The following CADPS2 variants were observed in gnomAD, a reference collection of about 807,000 sequenced individuals.
CADPS2 encodes calcium dependent secretion activator 2, also known as calcium-dependent secretion activator 2.
CADPS2 carries 93 observed loss-of-function variants against 172.5 expected under a neutral mutation model. The ratio of observed to expected loss-of-function variants is 0.54; its 90% CI spans 0.46 to 0.64. The LOEUF (loss-of-function observed/expected upper bound fraction) is 0.64, where lower values mean the gene tolerates loss of function less well. Ranked by LOEUF, CADPS2 falls within the 30% of genes least tolerant of loss-of-function variation. The probability of loss-of-function intolerance (pLI) is 0.00; values close to 1 mark genes in which losing one functional copy is unlikely to be tolerated. For synonymous variants in CADPS2, 546 were observed against 555.2 expected (o/e 0.98, Z 0.23); for missense variants, 1,420 against 1,565.9 (o/e 0.91, Z 1.57).
At chr7:122,732,830 A>ATATACATAATGTATATTATATATT (rs1562885762) in intron 2 of CADPS2, among the ~76,000 whole-genome samples, 4 of 138,658 alleles carry the variant, frequency 2.9e-5, no homozygotes, top group Admixed American at 8.0e-5. Context: ...TATTATATAT[A>ATATACATAATGTATATTATATATT]ATATACATTA....
chr7:122,359,538 C>A (rs1161582008), intron 27 of CADPS2, among the ~76,000 whole-genome samples: 1 of 152,052 alleles, frequency 6.6e-6, no homozygotes, highest in Non-Finnish European at 1.5e-5. Context: ...TGTCACAGTC[C>A]ATTTGTAATT....
At chr7:122,655,921 T>C (rs1025423903) in intron 3 of CADPS2, among the ~76,000 whole-genome samples, 3 of 152,146 alleles carry the variant, frequency 2.0e-5, no homozygotes, top group African/African-American at 4.8e-5. Flanking sequence ...TTGGAAGTCA[T>C]CACTCCCATC....
At chr7:122,654,770 T>C (rs1027799444) in intron 3 of CADPS2, among the ~76,000 whole-genome samples, 1 of 152,214 alleles carries the variant, frequency 6.6e-6, no homozygotes, top group Non-Finnish European at 1.5e-5. Context: ...TCGAGTCTTA[T>C]TATTTAAGAA....
intron 12 of CADPS2, among the ~76,000 whole-genome samples, chr7:122,477,965 C>T (rs2056896925): frequency 6.6e-6 from 1 of 152,116 alleles, no homozygotes; most frequent in South Asian, 2.1e-4. Flanking sequence ...TTAAAGTTAT[C>T]TCATGAACTA....
chr7:122,526,284 C>T (rs908359080), intron 8 of CADPS2, among the ~76,000 whole-genome samples: 6 of 152,014 alleles, frequency 3.9e-5, no homozygotes, highest in Non-Finnish European at 7.4e-5. Context: ...CTCCACCTCC[C>T]GGGTTCAAGT....
intron 2 of CADPS2, among the ~76,000 whole-genome samples, chr7:122,683,641 ATGT>A (rs949009551): frequency 1.2e-4 from 18 of 152,086 alleles, no homozygotes; most frequent in African/African-American, 4.3e-4. Flanking sequence ...GCTACTTAAA[ATGT>A]TATCTGTGGA....
chr7:122,492,344 C>A (rs931235788), intron 9 of CADPS2, among the ~76,000 whole-genome samples: 2 of 152,076 alleles, frequency 1.3e-5, no homozygotes, highest in Non-Finnish European at 2.9e-5. Flanking sequence ...TGGTCTGCCT[C>A]TTAATTCTTC....
chr7:122,480,334 G>A (rs1391284105), intron 12 of CADPS2, among the ~76,000 whole-genome samples: 7 of 144,490 alleles, frequency 4.8e-5, no homozygotes, highest in Non-Finnish European at 1.1e-4. Context: ...GTTATGCTTA[G>A]TTTTTTAAAA....
chr7:122,604,662 T>C (rs1360051355), intron 6 of CADPS2, among the ~76,000 whole-genome samples: 1 of 152,204 alleles, frequency 6.6e-6, no homozygotes, highest in Non-Finnish European at 1.5e-5. Flanking sequence ...TCTCATGCAC[T>C]TCCCACAATA....
At position 122,702,313 on chromosome 7, in the gene CADPS2, C is replaced by A. The variant is rs1400334672; in HGVS notation, c.453+34642G>T. 1.9e-6 allele frequency: 3 copies of A among 1,613,808 alleles called. No individual in the cohort carries two copies. The East Asian group carries it at 6.7e-5, about 36-fold the overall frequency. Reference sequence around the variant, plus strand: ...TCATCACCGCGACTATATTTTCCGTCCCCTGGTGAGACATGGGAAATACTT... The same window carrying A: ...TCATCACCGCGACTATATTTTCCGTACCCTGGTGAGACATGGGAAATACTT... On this transcript the variant is annotated intron_variant, in intron 2 of 29. Coordinates refer to ENST00000449022, the MANE Select transcript of CADPS2 (RefSeq NM_017954.11).
At chr7:122,578,962 C>T (rs891538309) in intron 7 of CADPS2, among the ~76,000 whole-genome samples, 1 of 151,970 alleles carries the variant, frequency 6.6e-6, no homozygotes, top group African/African-American at 2.4e-5. Flanking sequence ...AGGTCACAGG[C>T]TTATTTAATA....
chr7:122,803,466 T>C (rs1010069751), intron 1 of CADPS2, among the ~76,000 whole-genome samples: 1 of 152,180 alleles, frequency 6.6e-6, no homozygotes, highest in Non-Finnish European at 1.5e-5. Flanking sequence ...GAACGCTACA[T>C]TGCTGCCTCT....
intron 2 of CADPS2, among the ~76,000 whole-genome samples, chr7:122,691,092 G>A (rs1436438912): frequency 1.3e-5 from 2 of 152,208 alleles, no homozygotes; most frequent in Non-Finnish European, 2.9e-5. Flanking sequence ...CTCTAAGCAG[G>A]TGCTTCACTT....
At chr7:122,805,972 T>A (rs1478197746) in intron 1 of CADPS2, among the ~76,000 whole-genome samples, 2 of 152,192 alleles carry the variant, frequency 1.3e-5, no homozygotes, top group Admixed American at 6.5e-5. Context: ...CTCTGTTAAG[T>A]AGGAGGTATG....
At chr7:122,507,819 TG>T (rs1376462980) in intron 9 of CADPS2, among the ~76,000 whole-genome samples, 1 of 152,156 alleles carries the variant, frequency 6.6e-6, no homozygotes, top group Admixed American at 6.6e-5. Flanking sequence ...TGGAGATGAC[TG>T]GATGTAAATG....
At chr7:122,480,756 G>A in intron 12 of CADPS2, 96 bp downstream of exon 12, 2 of 794,858 alleles carry the variant, frequency 2.5e-6, no homozygotes, top group Non-Finnish European at 3.8e-6. Flanking sequence ...GAAAGTAGGG[G>A]ATTGATCCTG....
chr7:122,640,797 G>T (rs2077553072), intron 3 of CADPS2, among the ~76,000 whole-genome samples: 1 of 151,996 alleles, frequency 6.6e-6, no homozygotes, highest in Non-Finnish European at 1.5e-5. Flanking sequence ...AGCCGGACTT[G>T]GCGGCGGGCG....
intron 28 of CADPS2, among the ~76,000 whole-genome samples, chr7:122,342,710 A>G (rs1226256509): frequency 6.6e-6 from 1 of 152,164 alleles, no homozygotes; most frequent in African/African-American, 2.4e-5. Context: ...TGGGTTGGTT[A>G]AAACCACTAA....
At chr7:122,866,205 A>G (rs1038374311) in intron 1 of CADPS2, among the ~76,000 whole-genome samples, 1 of 152,190 alleles carries the variant, frequency 6.6e-6, no homozygotes, top group Non-Finnish European at 1.5e-5. Context: ...GCACAGTTTC[A>G]CCCTACTGCA....
Sources: allele counts gnomAD v4.1 joint callset (sites outside exome capture counted in the v4.1 genomes callset), GRCh38; gene constraint gnomAD v4.1.1; transcripts MANE v1.5; gene names NCBI Gene and HGNC (gene_info 2026-07-23, HGNC 2026-07-21).